ASCC2: variants seen among roughly 807,000 people sequenced by gnomAD.
The protein encoded by ASCC2 is activating signal cointegrator 1 complex subunit 2, also known as ASC-1 complex subunit P100.
In ASCC2, 42 loss-of-function variants were observed where a neutral mutation model predicts 93.5. The ratio of observed to expected loss-of-function variants is 0.45; its 90% CI spans 0.35 to 0.58. The LOEUF (loss-of-function observed/expected upper bound fraction) is 0.58, where lower values mean the gene tolerates loss of function less well. Ranked by LOEUF, ASCC2 falls within the 20% of genes least tolerant of loss-of-function variation. The pLI is 0.00. For missense variants in ASCC2, 859 were observed against 977.6 expected (o/e 0.88, Z 1.62); for synonymous variants, 364 against 384.2 (o/e 0.95, Z 0.62).
chr22:29,797,293 C>A (rs1355466708), intron 15 of ASCC2, among the ~76,000 whole-genome samples: 2 of 152,190 alleles, frequency 1.3e-5, no homozygotes, highest in East Asian at 1.9e-4. Flanking sequence ...GCCACCTTTC[C>A]CTTCCTCATC....
At chr22:29,837,450 T>A (rs1008170678) in intron 1 of ASCC2, among the ~76,000 whole-genome samples, 1 of 151,720 alleles carries the variant, frequency 6.6e-6, no homozygotes, top group Non-Finnish European at 1.5e-5. Flanking sequence ...AAAAATAAAT[T>A]AACTGGACAA....
chr22:29,832,349 G>A lies in ASCC2; in HGVS notation c.-17-7C>T. ...ATTGTGCTGCGTGACCCTCCTGAAA[G>A]GAATATGGATGGGAAGAAGAGAGCA... On this transcript the variant is annotated splice_region_variant and splice_polypyrimidine_tract_variant and intron_variant, in intron 1 of 19. Transcript: ENST00000307790. 1.2e-6 allele frequency: 2 copies of A among 1,600,860 alleles called. No individual in the cohort carries two copies. The highest frequency in any genetic ancestry group is 8.6e-7 in the Non-Finnish European group (1 of 1,168,242).
At chr22:29,830,875 G>A (rs543248453) in intron 2 of ASCC2, among the ~76,000 whole-genome samples, 64 of 152,286 alleles carry the variant, frequency 4.2e-4, no homozygotes, top group Non-Finnish European at 7.2e-4. Context: ...CCAGGCCATC[G>A]CTCTCACAAT....
In ASCC2 at chr22:29,813,466, GCCAAAGGGAAGATATCCAGAAAGGC is replaced by G; in HGVS notation, c.772_796del (p.Ala258LeufsTer14). 6.2e-7 allele frequency: 1 copy of G among 1,614,054 alleles called. No individual in the cohort carries two copies. Among genetic ancestry groups the G allele is most frequent in the African/African-American group, 1.3e-5 (1 of 74,948 alleles). ...GTCGTGCTTCTGGAAGGTCTGGCAA[GCCAAAGGGAAGATATCCAGAAAGGC>G]CCAAAGTGTGGTGCAGGTATCACAA... On this transcript the variant is annotated frameshift_variant, in exon 8 of 20. Coordinates refer to ENST00000307790, the MANE Select transcript of ASCC2 (RefSeq NM_032204.5). LOFTEE classifies it high-confidence loss of function.
intron 18 of ASCC2, among the ~76,000 whole-genome samples, chr22:29,791,923 C>T (rs1467756871): frequency 1.3e-5 from 2 of 152,202 alleles, no homozygotes; most frequent in African/African-American, 2.4e-5. Context: ...GAATTTGTCA[C>T]CCTGGTGTGG....
chr22:29,801,527 A>G (rs538627257), intron 14 of ASCC2, among the ~76,000 whole-genome samples: 14 of 152,350 alleles, frequency 9.2e-5, no homozygotes, highest in African/African-American at 3.4e-4. Flanking sequence ...TCACTTGCTC[A>G]TGGAAGAAAC....
intron 12 of ASCC2, 75 bp from the exon 13 acceptor site, chr22:29,804,905 C>T: frequency 2.0e-6 from 3 of 1,468,312 alleles, no homozygotes; most frequent in Non-Finnish European, 2.8e-6. Flanking sequence ...CCCTCCCCAG[C>T]ATCTGACCAC....
At chr22:29,789,912 G>T (rs1336852425) in intron 19 of ASCC2, among the ~76,000 whole-genome samples, 1 of 152,172 alleles carries the variant, frequency 6.6e-6, no homozygotes, top group African/African-American at 2.4e-5. Context: ...GCGGGGCCTG[G>T]ATGAGGAGTC....
At chr22:29,830,549 G>A (rs1441309116) in intron 2 of ASCC2, among the ~76,000 whole-genome samples, 3 of 130,222 alleles carry the variant, frequency 2.3e-5, no homozygotes, top group Admixed American at 8.3e-5. Context: ...AAGCCCTCCT[G>A]GGCTGCACGT....
Position 29,802,094 on chromosome 22 carries a change from A to T in ASCC2, c.1468T>A (p.Cys490Ser), listed in dbSNP as rs889762535. The change falls in exon 14 of 20, where the codon TGC becomes AGC. Residue 490 changes from cysteine to serine, a missense_variant. Physicochemically the swap from Cys to Ser is moderately radical, Grantham distance 112. Coordinates refer to ENST00000307790, the MANE Select transcript of ASCC2 (RefSeq NM_032204.5). ...GGGTCGTAGTGGTAGTACTCCAGGCAGGCCAGGATGAAGCCCTCACCAAGG... is the reference window on the plus strand; with the variant it reads ...GGGTCGTAGTGGTAGTACTCCAGGCTGGCCAGGATGAAGCCCTCACCAAGG... ...PDLGEGFILACLEYYHYDPEQ... is the reference protein window; with the variant it reads ...PDLGEGFILASLEYYHYDPEQ... The T allele has an allele frequency of 5.0e-6, 8 of 1,614,118 alleles. No homozygotes were observed. In the Admixed American group the frequency reaches 8.3e-5, roughly 17 times the overall value.
At position 29,825,833 on chromosome 22, in the gene ASCC2, C is replaced by T. The variant is rs985118163; in HGVS notation, c.82-53G>A. 1.3e-6 allele frequency: 2 copies of T among 1,555,586 alleles called. No homozygotes were observed. The highest frequency in any genetic ancestry group is 1.7e-6 in the Non-Finnish European group (2 of 1,148,708). On this transcript the variant is annotated intron_variant, in intron 2 of 19. Coordinates refer to ENST00000307790, the MANE Select transcript of ASCC2 (RefSeq NM_032204.5). The surrounding 1 kb of genome is among the most constrained non-coding windows in gnomAD (Gnocchi z 4.9). ...GTGGCAGAGGTTAGTCAGCGAGGGC[C>T]CATTTGCCAACCCACAGCAATGACA... is the stretch of plus-strand genomic sequence containing the variant.
chr22:29,827,898 T>TCA (rs2062629380), intron 2 of ASCC2, among the ~76,000 whole-genome samples: 1 of 60,728 alleles, frequency 1.6e-5, no homozygotes, highest in African/African-American at 1.0e-4. Context: ...CTCATTCTTC[T>TCA]GACACACACA....
Position 29,793,601 on chromosome 22 carries a change from C to T in ASCC2, c.1764G>A (p.Glu588=). The part of the protein sequence containing the change: ...RAVAAQRQRY[E]QYSVVVEEVP... ...CCTCCTCCACCACCACGCTGTACTG[C>T]TCGTAGCGCTGCCGCTGTGCCGCCA... The change falls in exon 16 of 20, where the codon GAG becomes GAA. Residue 588 remains glutamate, a synonymous_variant. Transcript: ENST00000307790. 6.2e-7 allele frequency: 1 copy of T among 1,610,674 alleles called. No homozygotes were observed. Among genetic ancestry groups the T allele is most frequent in the Non-Finnish European group, 8.5e-7 (1 of 1,178,868 alleles).
intron 8 of ASCC2, among the ~76,000 whole-genome samples, chr22:29,812,012 T>C (rs2060329621): frequency 6.6e-6 from 1 of 152,156 alleles, no homozygotes; most frequent in South Asian, 2.1e-4. Flanking sequence ...TACATACCCC[T>C]CTCTTCTGGG....
chr22:29,823,197 C>A (rs1440166759), intron 4 of ASCC2, among the ~76,000 whole-genome samples: 1 of 151,966 alleles, frequency 6.6e-6, no homozygotes, highest in Non-Finnish European at 1.5e-5. Flanking sequence ...CGCCACCACA[C>A]CCAGCTAATT....
rs2057878365 is a variant in ASCC2 at position 29,792,497 on chromosome 22, G to C, written c.1958C>G (p.Pro653Arg). The C allele has an allele frequency of 1.9e-6, 3 of 1,613,974 alleles. No homozygotes were observed. Among genetic ancestry groups the C allele is most frequent in the Non-Finnish European group, 8.5e-7 (1 of 1,179,994 alleles). Residue 653 changes from proline to arginine, a missense_variant, in exon 18 of 20, where the codon CCT becomes CGT. Transcript: ENST00000307790. ...TIPQVLRTKV[P>R]REGQEEDDDD... ...GTCATCCTCCTCCTGCCCTTCTCTA[G>C]GCACTTTGGTTCTCAGCACCTGAGG...
Position 29,825,933 on chromosome 22 carries a change from G to A in ASCC2, c.82-153C>T. 2.5e-6 allele frequency: 2 copies of A among 806,796 alleles called. No individual in the cohort carries two copies. The highest frequency in any genetic ancestry group is 3.9e-6 in the Non-Finnish European group (2 of 510,806). 50.0% of individuals were successfully genotyped at this position (806,796 alleles called of 1,614,324 possible). A position where few individuals can be genotyped will look rare whatever the true frequency, so the allele number is the denominator to read the frequency against. ...AGAACCAAGTGTATCTAACAAAGAG[G>A]GCATGGTTGCATTCAGCGAACACTA... On this transcript the variant is annotated intron_variant, in intron 2 of 19. Coordinates refer to ENST00000307790, the MANE Select transcript of ASCC2 (RefSeq NM_032204.5). The surrounding 1 kb of genome is among the most constrained non-coding windows in gnomAD (Gnocchi z 4.9).
At chr22:29,794,751 C>T (rs1481696749) in intron 15 of ASCC2, among the ~76,000 whole-genome samples, 1 of 152,182 alleles carries the variant, frequency 6.6e-6, no homozygotes, top group Admixed American at 6.5e-5. Flanking sequence ...TCTATTTGTG[C>T]TGATGCGGAA....
chr22:29,799,353 G>A (rs2058805201), intron 15 of ASCC2: 1 of 152,284 alleles, frequency 6.6e-6, no homozygotes, highest in African/African-American at 2.4e-5. Context: ...GGATCTGGGG[G>A]TGTTGCAATG....
Sources: allele counts gnomAD v4.1 joint callset (sites outside exome capture counted in the v4.1 genomes callset), GRCh38; gene constraint gnomAD v4.1.1; non-coding constraint Gnocchi (gnomAD v3.1); transcripts MANE v1.5; gene names NCBI Gene and HGNC (gene_info 2026-07-23, HGNC 2026-07-21).